The following SNTG1 variants were observed in gnomAD, a reference collection of about 807,000 sequenced individuals.
The protein encoded by SNTG1 is syntrophin gamma 1.
Under a neutral mutation model 74.7 loss-of-function variants are expected in SNTG1, and 39 were observed. That is an observed-to-expected ratio of 0.52 (90% confidence interval 0.40 to 0.68). The LOEUF is 0.68. SNTG1 is among the 30% of genes least tolerant of loss of function. SNTG1 has a pLI of 0.00. For missense variants in SNTG1, 685 were observed against 609.5 expected, an observed-to-expected ratio of 1.12 and a Z score of -1.30; for synonymous variants, 254 against 217.1, an observed-to-expected ratio of 1.17 and a Z score of -1.49.
chr8:50,083,687 G>T (rs561583094), intron 1 of SNTG1, among the ~76,000 whole-genome samples: 1 of 152,104 alleles, frequency 6.6e-6, no homozygotes, highest in Non-Finnish European at 1.5e-5. Flanking sequence ...CATTTTTTTG[G>T]AATGTTAATA....
intron 2 of SNTG1, among the ~76,000 whole-genome samples, chr8:50,392,478 C>G (rs1187421973): frequency 2.1e-4 from 32 of 152,144 alleles, no homozygotes; most frequent in Admixed American, 2.1e-3. Context: ...GGCTCTTTGG[C>G]TATTATTCCC....
intron 15 of SNTG1, among the ~76,000 whole-genome samples, chr8:50,660,230 A>AAAGGAAAGAAGGAAGG (rs1563707595): frequency 7.1e-5 from 10 of 140,856 alleles, no homozygotes; most frequent in South Asian, 4.5e-4. Flanking sequence ...GAAGAAAAGA[A>AAAGGAAAGAAGGAAGG]AAGGAAAGAA....
intron 13 of SNTG1, among the ~76,000 whole-genome samples, chr8:50,593,327 T>G (rs1238827142): frequency 6.6e-6 from 1 of 152,134 alleles, no homozygotes; most frequent in East Asian, 1.9e-4. Flanking sequence ...TTTCAGACAC[T>G]GTGTCTGAAG....
intron 9 of SNTG1, among the ~76,000 whole-genome samples, chr8:50,506,455 A>G (rs540819378): frequency 1.3e-5 from 2 of 152,198 alleles, no homozygotes; most frequent in East Asian, 3.9e-4. Flanking sequence ...TTTTAACAAT[A>G]TTAATTCTTC....
intron 13 of SNTG1, among the ~76,000 whole-genome samples, chr8:50,636,000 G>T (rs1175005925): frequency 2.0e-5 from 3 of 151,828 alleles, no homozygotes; most frequent in Non-Finnish European, 2.9e-5. Flanking sequence ...TAATGAGCAG[G>T]TGATGAATCC....
chr8:50,292,002 T>C (rs2089139301), intron 2 of SNTG1, among the ~76,000 whole-genome samples: 1 of 152,154 alleles, frequency 6.6e-6, no homozygotes, highest in African/African-American at 2.4e-5. Context: ...TGTGTGTGTG[T>C]GTGTGCTCTA....
chr8:50,417,413 C>T (rs533474636), intron 4 of SNTG1, among the ~76,000 whole-genome samples: 15 of 152,222 alleles, frequency 9.9e-5, no homozygotes, highest in South Asian at 2.1e-4. Flanking sequence ...TTTCTCTAGA[C>T]GCAATATTTG....
chr8:50,300,058 T>G (rs1220295426), intron 2 of SNTG1, among the ~76,000 whole-genome samples: 1 of 150,636 alleles, frequency 6.6e-6, no homozygotes, highest in African/African-American at 2.5e-5. Context: ...TTAAAACACT[T>G]TTTTTGAGAT....
At chr8:50,502,105 T>A (rs1383367654) in intron 8 of SNTG1, among the ~76,000 whole-genome samples, 1 of 152,314 alleles carries the variant, frequency 6.6e-6, no homozygotes, top group Middle Eastern at 3.4e-3. Flanking sequence ...TTCTGTATTT[T>A]AAAAAATGTT....
At chr8:50,210,542 GT>G (rs2084470880) in intron 2 of SNTG1, among the ~76,000 whole-genome samples, 1 of 152,002 alleles carries the variant, frequency 6.6e-6, no homozygotes, top group Non-Finnish European at 1.5e-5. Context: ...AGCAGAAACT[GT>G]ACAAGCCAGA....
intron 2 of SNTG1, among the ~76,000 whole-genome samples, chr8:50,311,974 G>A (rs1180431410): frequency 6.6e-6 from 1 of 152,062 alleles, no homozygotes; most frequent in Non-Finnish European, 1.5e-5. Context: ...TTAATGGAGA[G>A]GACTGGAAGA....
intron 9 of SNTG1, among the ~76,000 whole-genome samples, chr8:50,503,230 A>G (rs1246121880): frequency 6.6e-6 from 1 of 152,210 alleles, no homozygotes; most frequent in Non-Finnish European, 1.5e-5. Flanking sequence ...ACTAAACAAG[A>G]ATATGTGCTT....
At chr8:50,421,053 G>GA (rs1491562818) in intron 4 of SNTG1, among the ~76,000 whole-genome samples, 1 of 14,456 alleles carries the variant, frequency 6.9e-5, no homozygotes, top group Non-Finnish European at 1.6e-4. Context: ...GGGCGGGGGA[G>GA]GGGGGGGCGA....
intron 8 of SNTG1, among the ~76,000 whole-genome samples, chr8:50,487,198 G>A (rs1247878134): frequency 6.6e-6 from 1 of 152,188 alleles, no homozygotes; most frequent in Non-Finnish European, 1.5e-5. Flanking sequence ...ACAGGTGCTG[G>A]AGAGGATGTG....
At chr8:50,279,689 C>G (rs1314407006) in intron 2 of SNTG1, among the ~76,000 whole-genome samples, 1 of 152,024 alleles carries the variant, frequency 6.6e-6, no homozygotes, top group Non-Finnish European at 1.5e-5. Context: ...ATCATGCATA[C>G]AAGAGAGATG....
chr8:50,120,512 ACCAATACTGCC>A (rs1252058502), intron 1 of SNTG1, among the ~76,000 whole-genome samples: 1 of 124,918 alleles, frequency 8.0e-6, no homozygotes, highest in African/African-American at 4.1e-5. Context: ...TACTGCAATC[ACCAATACTGCC>A]ATCACCAATA....
intron 15 of SNTG1, among the ~76,000 whole-genome samples, chr8:50,679,638 A>G (rs1157167873): frequency 6.6e-6 from 1 of 152,126 alleles, no homozygotes; most frequent in Non-Finnish European, 1.5e-5. Context: ...TTTCTGAATA[A>G]TATAACTTTC....
chr8:50,080,237 T>G (rs527241449), intron 1 of SNTG1, among the ~76,000 whole-genome samples: 55 of 152,292 alleles, frequency 3.6e-4, no homozygotes, highest in South Asian at 1.2e-3. Context: ...CTGTACTATT[T>G]CTTGTCTTAA....
chr8:50,120,347 C>G (rs1297712101), intron 1 of SNTG1, among the ~76,000 whole-genome samples: 1 of 140,052 alleles, frequency 7.1e-6, no homozygotes, highest in Non-Finnish European at 1.6e-5. Context: ...ACGATCACGA[C>G]TACTGCCACT....
Sources: gnomAD v4.1 joint callset for allele counts (sites outside exome capture counted in the v4.1 genomes callset) on GRCh38, gnomAD v4.1.1 for gene constraint, MANE v1.5 for transcripts, NCBI Gene and HGNC (gene_info 2026-07-23, HGNC 2026-07-21) for gene names.